The following FEZ2 variants were observed in gnomAD, a reference collection of about 807,000 sequenced individuals.
FEZ2 encodes the protein fasciculation and elongation protein zeta 2.
FEZ2 carries 51 observed loss-of-function variants against 40.4 expected under a neutral mutation model. The observed-to-expected ratio is 1.26, with a 90% CI of 1.01 to 1.59. The LOEUF is 1.59. Among genes scored for constraint, FEZ2 ranks in the 40% most tolerant of loss-of-function variants. The probability of loss-of-function intolerance (pLI) is 0.00; values close to 1 mark genes in which losing one functional copy is unlikely to be tolerated. For synonymous variants in FEZ2, 242 were observed against 172.0 expected (o/e 1.41, Z -3.18); for missense variants, 640 against 438.3 (o/e 1.46, Z -4.11).
rs180879564 is a variant in FEZ2 at position 36,573,455 on chromosome 2, G to T, written c.903+5142C>A. ...TGAATGTCTGATGTAACAGAAGCCT[G>T]GCTCCCCCAATAAAAATCCCCAATA... On this transcript the variant is annotated intron_variant, in intron 5 of 7. Transcript: ENST00000405912. Among the ~76,000 whole-genome samples the T allele has an allele frequency of 1.5e-3, 224 of 152,258 alleles. 2 individuals are homozygous for T. The highest frequency in any genetic ancestry group is 4.1e-4 in the Non-Finnish European group (28 of 68,022).
In FEZ2 at chr2:36,598,052, C is replaced by G; in HGVS notation, c.91G>C (p.Glu31Gln). The part of the protein sequence containing the change: ...LDQENCNASP[E>Q]PGAEAGAEAG... ...TCGGCCCCCGCCTCCGCCCCAGGCTCGGGGCTCGCGTTACAGTTCTCCTGG... is the reference window on the plus strand; with the variant it reads ...TCGGCCCCCGCCTCCGCCCCAGGCTGGGGGCTCGCGTTACAGTTCTCCTGG... Residue 31 changes from glutamate to glutamine, a missense_variant, in exon 1 of 8, where the codon GAG becomes CAG. By Grantham distance (29) the Glu-to-Gln change is conservative. Coordinates refer to ENST00000405912, the MANE Select transcript of FEZ2 (RefSeq NM_005102.3). The G allele has an allele frequency of 6.7e-7, 1 of 1,498,374 alleles. No individual in the cohort carries two copies. The highest frequency in any genetic ancestry group is 2.8e-5 in the East Asian group (1 of 35,506). 92.8% of individuals were successfully genotyped at this position (1,498,374 alleles called of 1,614,324 possible).
Position 36,592,612 on chromosome 2 carries a change from C to G in FEZ2, c.267-1601G>C, listed in dbSNP as rs551220669. ...CTTGAAGCCAGGAGTTCAAGACCAG[C>G]CTGGGCAACAAAAGGGAGCCCCACA... On this transcript the variant is annotated intron_variant, in intron 1 of 7. Coordinates refer to ENST00000405912, the MANE Select transcript of FEZ2 (RefSeq NM_005102.3). Among the ~76,000 whole-genome samples the G allele has an allele frequency of 2.7e-5, 4 of 147,706 alleles. No individual in the cohort carries two copies. The South Asian group carries it at 8.6e-4, about 32-fold the overall frequency.
At chr2:36,561,885 A>G (rs1487686550) in intron 5 of FEZ2, among the ~76,000 whole-genome samples, 8 of 152,244 alleles carry the variant, frequency 5.3e-5, no homozygotes, top group African/African-American at 1.7e-4. Flanking sequence ...ATGGTCATCA[A>G]GAAATACATA....
intron 2 of FEZ2, among the ~76,000 whole-genome samples, chr2:36,586,680 C>T (rs1668908080): frequency 1.3e-5 from 2 of 151,674 alleles, no homozygotes; most frequent in South Asian, 4.2e-4. Context: ...ATGGCTCACA[C>T]CTGTAATCCC....
At chr2:36,574,779 T>G (rs3770793) in intron 5 of FEZ2, among the ~76,000 whole-genome samples, 3 of 152,120 alleles carry the variant, frequency 2.0e-5, no homozygotes, top group Non-Finnish European at 4.4e-5. Context: ...TAGGTCACCA[T>G]AGTGATAAAC....
intron 5 of FEZ2, among the ~76,000 whole-genome samples, chr2:36,569,177 T>C (rs902815629): frequency 6.6e-6 from 1 of 152,230 alleles, no homozygotes; most frequent in Non-Finnish European, 1.5e-5. Flanking sequence ...TTACATGGAA[T>C]AATCCATGCA....
Position 36,578,750 on chromosome 2 carries a change from C to T in FEZ2, c.750G>A (p.Glu250=), listed in dbSNP as rs34803977. 1 of 1,614,008 alleles carries T rather than the reference C, an allele frequency of 6.2e-7. No homozygotes were observed. The change falls in exon 5 of 8, where the codon GAG becomes GAA. Residue 250 remains glutamate, a synonymous_variant. Coordinates refer to ENST00000405912, the MANE Select transcript of FEZ2 (RefSeq NM_005102.3). The part of the protein sequence containing the change: ...VQQLALRDEL[E]FEKEVKNSFI... The stretch of plus-strand genomic sequence containing the variant: ...AGCTGTTTTTCACTTCCTTTTCAAA[C>T]TCCAGTTCATCTCGTAAAGCCAACT...
chr2:36,554,550 G>A (rs949365240), intron 7 of FEZ2, among the ~76,000 whole-genome samples: 8 of 151,790 alleles, frequency 5.3e-5, no homozygotes, highest in Non-Finnish European at 1.2e-4. Flanking sequence ...AAGATGTCAG[G>A]TATTAAAAAA....
chr2:36,569,597 T>A (rs1383810768), intron 5 of FEZ2, among the ~76,000 whole-genome samples: 1 of 152,256 alleles, frequency 6.6e-6, no homozygotes, highest in African/African-American at 2.4e-5. Flanking sequence ...TGCTGCAGTT[T>A]GTTAGTTCTT....
chr2:36,594,985 T>C (rs1338706407), intron 1 of FEZ2, among the ~76,000 whole-genome samples: 4 of 152,214 alleles, frequency 2.6e-5, no homozygotes, highest in Non-Finnish European at 4.4e-5. Context: ...TCAAGACATA[T>C]GAACTGCCTT....
intron 6 of FEZ2, chr2:36,556,629 C>G (rs1667968625): frequency 6.6e-6 from 1 of 152,208 alleles, no homozygotes; most frequent in Admixed American, 6.5e-5. Context: ...GCTACTTAAC[C>G]ACTTTTGCAC....
rs189529188 is a variant in FEZ2, at chr2:36,574,061, A to C, written c.903+4536T>G. 1.2e-4 allele frequency among the ~76,000 whole-genome samples: 18 copies of C among 152,378 alleles called. No homozygotes were observed. In the East Asian group the frequency reaches 3.1e-3, roughly 26 times the overall value. On this transcript the variant is annotated intron_variant, in intron 5 of 7. Coordinates refer to ENST00000405912, the MANE Select transcript of FEZ2 (RefSeq NM_005102.3). ...TTAGGAAAATGGTAACTTTGGTTTA[A>C]TAGTATAAATTTCAGACTCCTACAA...
chr2:36,574,277 T>C (rs1359992101), intron 5 of FEZ2, among the ~76,000 whole-genome samples: 3 of 152,242 alleles, frequency 2.0e-5, no homozygotes, highest in Admixed American at 6.5e-5. Context: ...CAATATTCTA[T>C]TGTCTTAGAC....
chr2:36,591,979 C>G (rs1027691002), intron 1 of FEZ2, among the ~76,000 whole-genome samples: 3 of 152,070 alleles, frequency 2.0e-5, no homozygotes, highest in African/African-American at 7.2e-5. Context: ...ATTTCACAAC[C>G]AAAATTCAGG....
chr2:36,555,035 C>T (rs1024082922), intron 7 of FEZ2, among the ~76,000 whole-genome samples: 12 of 152,064 alleles, frequency 7.9e-5, no homozygotes, highest in African/African-American at 2.7e-4. Flanking sequence ...TAAGTTCTTC[C>T]GTCCCTTCTT....
chr2:36,553,562 C>T (rs1219978455), intron 7 of FEZ2, among the ~76,000 whole-genome samples: 3 of 152,142 alleles, frequency 2.0e-5, no homozygotes, highest in Non-Finnish European at 2.9e-5. Context: ...AGCAGCCACG[C>T]GTACATTACT....
intron 5 of FEZ2, among the ~76,000 whole-genome samples, chr2:36,572,706 G>T (rs1394120747): frequency 6.6e-6 from 1 of 152,104 alleles, no homozygotes; most frequent in Non-Finnish European, 1.5e-5. Flanking sequence ...ACAATCCCTG[G>T]TTTAAATCAT....
At chr2:36,582,537 C>T (rs148126233) in intron 3 of FEZ2, among the ~76,000 whole-genome samples, 3 of 152,284 alleles carry the variant, frequency 2.0e-5, no homozygotes, top group African/African-American at 4.8e-5. Context: ...CCCTAGATTA[C>T]CCTCTACCTC....
At chr2:36,586,283 C>T (rs1401939217) in intron 2 of FEZ2, among the ~76,000 whole-genome samples, 1 of 152,152 alleles carries the variant, frequency 6.6e-6, no homozygotes, top group Non-Finnish European at 1.5e-5. Flanking sequence ...AACTTGAGGA[C>T]CATGATTTTG....
Sources: gnomAD v4.1 joint callset for allele counts (sites outside exome capture counted in the v4.1 genomes callset) on GRCh38, gnomAD v4.1.1 for gene constraint, MANE v1.5 for transcripts, NCBI Gene and HGNC (gene_info 2026-07-23, HGNC 2026-07-21) for gene names.